The following PRKCA variants were observed in gnomAD, a reference collection of about 807,000 sequenced individuals.
The protein encoded by PRKCA is protein kinase C alpha, also known as protein kinase C alpha type.
PRKCA carries 27 observed loss-of-function variants against 87.0 expected under a neutral mutation model. The ratio of observed to expected loss-of-function variants is 0.31; its 90% CI spans 0.23 to 0.43. The LOEUF (loss-of-function observed/expected upper bound fraction) is 0.43. PRKCA is among the 20% of genes least tolerant of loss of function. The probability of loss-of-function intolerance (pLI) is 1.00; values close to 1 mark genes in which losing one functional copy is unlikely to be tolerated. For synonymous variants in PRKCA, 329 were observed against 311.1 expected (o/e 1.06, Z -0.61); for missense variants, 518 against 852.3 (o/e 0.61, Z 4.88).
intron 2 of PRKCA, among the ~76,000 whole-genome samples, chr17:66,406,141 C>A (rs1911359273): frequency 6.6e-6 from 1 of 151,988 alleles, no homozygotes; most frequent in Non-Finnish European, 1.5e-5. Context: ...GAATCCCTTG[C>A]TACAGATGTC....
intron 2 of PRKCA, among the ~76,000 whole-genome samples, chr17:66,394,446 G>A (rs1598636599): frequency 6.6e-6 from 1 of 152,232 alleles, no homozygotes. Flanking sequence ...CGATGGCAGT[G>A]TGGTTATTTA....
At chr17:66,420,289 G>A (rs550823891) in intron 2 of PRKCA, among the ~76,000 whole-genome samples, 2 of 152,158 alleles carry the variant, frequency 1.3e-5, no homozygotes, top group South Asian at 4.2e-4. Flanking sequence ...GATGACAGGC[G>A]TGAACCACCA....
At chr17:66,609,030 A>G (rs1176149594) in intron 3 of PRKCA, among the ~76,000 whole-genome samples, 1 of 152,224 alleles carries the variant, frequency 6.6e-6, no homozygotes, top group Non-Finnish European at 1.5e-5. Flanking sequence ...AAGAACTCAT[A>G]TAGGATCTAG....
At chr17:66,500,636 G>C (rs1234105065) in intron 3 of PRKCA, among the ~76,000 whole-genome samples, 1 of 152,192 alleles carries the variant, frequency 6.6e-6, no homozygotes, top group Admixed American at 6.5e-5. Context: ...ATTCTTTCAA[G>C]GCAATTGGCC....
intron 2 of PRKCA, among the ~76,000 whole-genome samples, chr17:66,340,711 A>G (rs567801635): frequency 3.9e-5 from 6 of 152,196 alleles, no homozygotes; most frequent in South Asian, 2.1e-4. Flanking sequence ...TAAGCAAGCA[A>G]TGCTTCTCTG....
chr17:66,657,519 C>G (rs1217177916), intron 5 of PRKCA, among the ~76,000 whole-genome samples: 1 of 152,162 alleles, frequency 6.6e-6, no homozygotes, highest in Non-Finnish European at 1.5e-5. Context: ...AAATGCCGCA[C>G]TGACCTCCCT....
At chr17:66,306,671 G>C (rs1332105211) in intron 2 of PRKCA, among the ~76,000 whole-genome samples, 1 of 152,084 alleles carries the variant, frequency 6.6e-6, no homozygotes, top group Admixed American at 6.5e-5. Context: ...TTTCCTTTCA[G>C]CTTACATATC....
chr17:66,684,343 T>C (rs2144019393), intron 5 of PRKCA, among the ~76,000 whole-genome samples: 1 of 152,324 alleles, frequency 6.6e-6, no homozygotes, highest in African/African-American at 2.4e-5. Context: ...ATAAAATAGC[T>C]TGTCCACAAC....
chr17:66,351,218 C>T (rs563744685), intron 2 of PRKCA, among the ~76,000 whole-genome samples: 7 of 152,284 alleles, frequency 4.6e-5, no homozygotes, highest in Admixed American at 2.0e-4. Flanking sequence ...CCAGGAAAAC[C>T]ATGAAGTGTT....
chr17:66,361,701 G>T (rs1908402330), intron 2 of PRKCA, among the ~76,000 whole-genome samples: 2 of 152,128 alleles, frequency 1.3e-5, no homozygotes, highest in Admixed American at 1.3e-4. Context: ...CTTGAAGGTG[G>T]TCACTGTTTC....
chr17:66,488,849 A>G lies in PRKCA; in HGVS notation c.206-7352A>G, dbSNP rs1417955384. The stretch of plus-strand genomic sequence containing the variant: ...TTGATTTGTTTTCATACAACTTTTA[A>G]TGTGTATCCCAGGAGAAGACTGTTT... On this transcript the variant is annotated intron_variant, in intron 2 of 16. Transcript: ENST00000413366. 2.0e-5 allele frequency among the ~76,000 whole-genome samples: 3 copies of G among 152,298 alleles called. No individual in the cohort carries two copies. In the East Asian group the frequency reaches 5.8e-4, roughly 29 times the overall value.
chr17:66,749,318 C>T (rs1974378583), intron 13 of PRKCA, among the ~76,000 whole-genome samples: 1 of 151,680 alleles, frequency 6.6e-6, no homozygotes, highest in South Asian at 2.1e-4. Flanking sequence ...TCTCTAGACC[C>T]ATTGCACTAG....
intron 8 of PRKCA, chr17:66,703,374 C>G (rs1379393198): frequency 6.6e-6 from 1 of 152,118 alleles, no homozygotes; most frequent in Non-Finnish European, 1.5e-5. Context: ...TCTTGTCCCA[C>G]TGGAAGGTCT....
chr17:66,730,662 G>A (rs1357483738), intron 8 of PRKCA, among the ~76,000 whole-genome samples: 1 of 152,224 alleles, frequency 6.6e-6, no homozygotes, highest in African/African-American at 2.4e-5. Context: ...GGAGACCTGA[G>A]ACTGCTTTCA....
chr17:66,699,662 A>C (rs1973014434), intron 8 of PRKCA, among the ~76,000 whole-genome samples: 1 of 152,212 alleles, frequency 6.6e-6, no homozygotes, highest in South Asian at 2.1e-4. Context: ...ATCATAGCTC[A>C]CTGCAGCTCA....
chr17:66,336,754 T>TTGTGTGTGTG (rs148842588), intron 2 of PRKCA, among the ~76,000 whole-genome samples: 51 of 133,732 alleles, frequency 3.8e-4, no homozygotes, highest in East Asian at 1.2e-3. Context: ...GCAAATAAGT[T>TTGTGTGTGTG]TGTGTGTGTG....
intron 9 of PRKCA, among the ~76,000 whole-genome samples, chr17:66,734,834 T>C (rs1196039429): frequency 1.3e-5 from 2 of 152,182 alleles, no homozygotes; most frequent in Admixed American, 6.5e-5. Context: ...GAGTGCACAG[T>C]CCTCACCTGG....
chr17:66,639,145 C>G (rs1321803554), intron 3 of PRKCA: 1 of 152,272 alleles, frequency 6.6e-6, no homozygotes, highest in Non-Finnish European at 1.5e-5. Flanking sequence ...AGTGGATGGC[C>G]ACTCTGCCTT....
chr17:66,633,367 A>G (rs1971072484), intron 3 of PRKCA, among the ~76,000 whole-genome samples: 1 of 152,138 alleles, frequency 6.6e-6, no homozygotes, highest in Non-Finnish European at 1.5e-5. Context: ...GATCGCAGTA[A>G]TGTTGCTAGA....
Sources: allele counts gnomAD v4.1 joint callset (sites outside exome capture counted in the v4.1 genomes callset), GRCh38; gene constraint gnomAD v4.1.1; transcripts MANE v1.5; gene names NCBI Gene and HGNC (gene_info 2026-07-23, HGNC 2026-07-21).